PDE9A: variants seen among roughly 807,000 people sequenced by gnomAD.
PDE9A encodes phosphodiesterase 9A.
Under a neutral mutation model 87.4 loss-of-function variants are expected in PDE9A, and 60 were observed. The observed-to-expected ratio is 0.69, with a 90% CI of 0.56 to 0.85. The LOEUF (loss-of-function observed/expected upper bound fraction) is 0.85, where lower values mean the gene tolerates loss of function less well. Among genes scored for constraint, PDE9A ranks in the 40% least tolerant of loss-of-function variants. PDE9A has a pLI of 0.00. For synonymous variants in PDE9A, 272 were observed against 279.4 expected (o/e 0.97, Z 0.27); for missense variants, 665 against 779.0 (o/e 0.85, Z 1.74).
At chr21:42,674,512 C>G (rs1423767699) in intron 1 of PDE9A, among the ~76,000 whole-genome samples, 1 of 152,058 alleles carries the variant, frequency 6.6e-6, no homozygotes, top group Admixed American at 6.6e-5. Context: ...CTCCCTCCCT[C>G]CAGCCCCTGG....
intron 1 of PDE9A, among the ~76,000 whole-genome samples, chr21:42,676,683 G>C (rs1017477671): frequency 6.6e-6 from 1 of 152,140 alleles, no homozygotes; most frequent in Non-Finnish European, 1.5e-5. Flanking sequence ...GAGGGCATCC[G>C]ACTCATCTCT....
rs1329582212 is a variant in PDE9A at position 42,739,261 on chromosome 21, G to A, written c.569-4515G>A. Among the ~76,000 whole-genome samples the A allele has an allele frequency of 1.3e-5, 2 of 152,236 alleles. No homozygotes were observed. Among genetic ancestry groups the A allele is most frequent in the African/African-American group, 4.8e-5 (2 of 41,458 alleles). On this transcript the variant is annotated intron_variant, in intron 7 of 19. Transcript: ENST00000291539. The surrounding 1 kb of genome is among the most constrained non-coding windows in gnomAD (Gnocchi z 4.1). The stretch of plus-strand genomic sequence containing the variant: ...GGCTCCACGGTAGGGCCGTCCTGCT[G>A]CTGTCTGCAGACCTCTCAGGCTTGA...
intron 19 of PDE9A, among the ~76,000 whole-genome samples, chr21:42,774,401 G>A (rs960695402): frequency 2.6e-5 from 4 of 152,182 alleles, no homozygotes; most frequent in African/African-American, 9.7e-5. Flanking sequence ...TAATACCATT[G>A]TTACTGCTGT....
rs953783444 is a variant in PDE9A, at chr21:42,675,190, G to A, written c.70-11002G>A. Among the ~76,000 whole-genome samples the A allele has an allele frequency of 2.4e-4, 36 of 152,150 alleles. No homozygotes were observed. Among genetic ancestry groups the A allele is most frequent in the East Asian group, 1.2e-3 (6 of 5,206 alleles). Reference sequence around the variant, plus strand: ...TTTCACTCAGCATTACATCAGCAGCGGTTTCCAATATAGCATTAAATTGTC... The same window carrying A: ...TTTCACTCAGCATTACATCAGCAGCAGTTTCCAATATAGCATTAAATTGTC... On this transcript the variant is annotated intron_variant, in intron 1 of 19. Coordinates refer to ENST00000291539, the MANE Select transcript of PDE9A (RefSeq NM_002606.3). This position sits in a 1 kb window ranked among gnomAD's most constrained non-coding sequence, Gnocchi z 4.3.
chr21:42,703,473 G>A (rs896148599), intron 4 of PDE9A, among the ~76,000 whole-genome samples: 2 of 152,380 alleles, frequency 1.3e-5, no homozygotes, highest in Middle Eastern at 3.4e-3. Flanking sequence ...AAGGCTGGCC[G>A]GGTGTGGGTG....
At chr21:42,686,327 T>C in intron 2 of PDE9A, 65 bp downstream of exon 2, 1 of 1,364,916 alleles carries the variant, frequency 7.3e-7, no homozygotes, top group Non-Finnish European at 1.0e-6. Context: ...TCGGGATGGC[T>C]GGGAGGGGCG....
chr21:42,716,063 T>G (rs9976272), intron 4 of PDE9A, among the ~76,000 whole-genome samples: 4,826 of 151,984 alleles, frequency 0.032, 279 homozygotes, highest in African/African-American at 0.11. Flanking sequence ...TTTATGCCTT[T>G]TCCCGGCATC....
chr21:42,737,710 G>A (rs575019788), intron 7 of PDE9A, among the ~76,000 whole-genome samples: 99 of 152,242 alleles, frequency 6.5e-4, no homozygotes, highest in Non-Finnish European at 1.1e-3. Flanking sequence ...GACCCGCCTC[G>A]GCCTCCCAAA....
chr21:42,726,624 A>ATATATATATATATTTTTTTTTTT, intron 4 of PDE9A, among the ~76,000 whole-genome samples: 17 of 19,768 alleles, frequency 8.6e-4, no homozygotes, highest in Non-Finnish European at 9.7e-4. Flanking sequence ...ATATATATAT[A>ATATATATATATATTTTTTTTTTT]TTTTTTTTTT....
chr21:42,710,174 G>A (rs1049774721), intron 4 of PDE9A, among the ~76,000 whole-genome samples: 7 of 151,998 alleles, frequency 4.6e-5, no homozygotes, highest in Admixed American at 1.3e-4. Flanking sequence ...TTGGGAGGCC[G>A]AGGCGGGCGG....
At chr21:42,753,787 C>T (rs956155269) in intron 9 of PDE9A, among the ~76,000 whole-genome samples, 2 of 151,448 alleles carry the variant, frequency 1.3e-5, no homozygotes, top group Non-Finnish European at 2.9e-5. Context: ...TCACTTGAAC[C>T]CAGGAGGCAG....
intron 1 of PDE9A, among the ~76,000 whole-genome samples, chr21:42,661,740 C>A (rs1455786419): frequency 6.6e-6 from 1 of 152,192 alleles, no homozygotes; most frequent in Admixed American, 6.5e-5. Flanking sequence ...TTTATTGTTG[C>A]ATCTTCTGAA....
chr21:42,694,839 C>A lies in PDE9A; in HGVS notation c.219-4129C>A, dbSNP rs919780196. ...TTGGCTACAGGACACTCTCCAGCCC[C>A]CCGCATTGGGATGTCTGGCCCCAAT... On this transcript the variant is annotated intron_variant, in intron 3 of 19. Transcript: ENST00000291539. The surrounding 1 kb of genome is among the most constrained non-coding windows in gnomAD (Gnocchi z 5.3). Among the ~76,000 whole-genome samples, 7 of 152,230 alleles carry A rather than the reference C, an allele frequency of 4.6e-5. No individual in the cohort carries two copies. Among genetic ancestry groups the A allele is most frequent in the African/African-American group, 1.7e-4 (7 of 41,460 alleles).
Position 42,760,267 on chromosome 21 carries a change from T to C in PDE9A, c.898-61T>C. 1 of 975,270 alleles carries C rather than the reference T, an allele frequency of 1.0e-6. No individual in the cohort carries two copies. The highest frequency in any genetic ancestry group is 2.4e-5 in the East Asian group (1 of 41,246). The allele number at this position is 975,270 out of a possible 1,614,324, so 60.4% of individuals were successfully genotyped here. ...ACCAGCGCACAGCCTTCTGGGTGGC[T>C]TTGGGAGGAGAGGTGGGCGGGCCCA... On this transcript the variant is annotated intron_variant, in intron 11 of 19. Coordinates refer to ENST00000291539, the MANE Select transcript of PDE9A (RefSeq NM_002606.3). This position sits in a 1 kb window ranked among gnomAD's most constrained non-coding sequence, Gnocchi z 5.2.
In PDE9A at chr21:42,704,602, G is replaced by A. The variant is rs777946162; in HGVS notation, c.262+5591G>A. Among the ~76,000 whole-genome samples the A allele has an allele frequency of 7.2e-5, 11 of 152,228 alleles. No individual in the cohort carries two copies. The highest frequency in any genetic ancestry group is 2.2e-4 in the African/African-American group (9 of 41,454). The stretch of plus-strand genomic sequence containing the variant: ...CCTTGGGTCCCAGAGCCACTGAGCC[G>A]TGGCCCAAGGTCAGGAGTTAGCTCT... On this transcript the variant is annotated intron_variant, in intron 4 of 19. Transcript: ENST00000291539. This position sits in a 1 kb window ranked among gnomAD's most constrained non-coding sequence, Gnocchi z 5.3.
chr21:42,674,018 GAGTT>G (rs1363254955), intron 1 of PDE9A, among the ~76,000 whole-genome samples: 9 of 152,364 alleles, frequency 5.9e-5, no homozygotes, highest in African/African-American at 1.9e-4. Context: ...GTGTCTGAAA[GAGTT>G]AGAGCAGATG....
At chr21:42,697,315 G>A (rs2269143) in intron 3 of PDE9A, 97,169 of 731,402 alleles carry the variant, frequency 0.13, 7,529 homozygotes, top group East Asian at 0.32. Context: ...GATTTTCCAC[G>A]TTACCTGTAA....
intron 1 of PDE9A, among the ~76,000 whole-genome samples, chr21:42,669,756 G>A (rs1001213434): frequency 6.6e-6 from 1 of 152,160 alleles, no homozygotes; most frequent in Non-Finnish European, 1.5e-5. Context: ...CCGGAGAGCC[G>A]AGTGTCTCAT....
Position 42,695,049 on chromosome 21 carries a change from TTCCTATGC to T in PDE9A, c.219-3914_219-3907del, listed in dbSNP as rs2060066506. On this transcript the variant is annotated intron_variant, in intron 3 of 19. Transcript: ENST00000291539. This position sits in a 1 kb window ranked among gnomAD's most constrained non-coding sequence, Gnocchi z 4.3. Reference sequence around the variant, plus strand: ...GGATCCACTGGCAGCTGCCTAACCCTTCCTATGCTCCTGGACGTTTGGTGCAATCTGGA... The same window carrying T: ...GGATCCACTGGCAGCTGCCTAACCCTTCCTGGACGTTTGGTGCAATCTGGA... Among the ~76,000 whole-genome samples, 1 of 152,140 alleles carries T rather than the reference TTCCTATGC, an allele frequency of 6.6e-6. No individual in the cohort carries two copies. The highest frequency in any genetic ancestry group is 2.4e-5 in the African/African-American group (1 of 41,426).
Sources: gnomAD v4.1 joint callset for allele counts (sites outside exome capture counted in the v4.1 genomes callset) on GRCh38, gnomAD v4.1.1 for gene constraint, Gnocchi (gnomAD v3.1) non-coding constraint, MANE v1.5 for transcripts, NCBI Gene and HGNC (gene_info 2026-07-23, HGNC 2026-07-21) for gene names.